Variants in KIAA0040 observed in about 807,000 individuals in gnomAD.
The protein encoded by KIAA0040 is uncharacterized protein KIAA0040.
In KIAA0040, 10 loss-of-function variants were observed where a neutral mutation model predicts 7.2. That is an observed-to-expected ratio of 1.38 (90% CI 0.85 to 2.34). The LOEUF (loss-of-function observed/expected upper bound fraction) is 2.34, where lower values mean the gene tolerates loss of function less well. KIAA0040 is among the 30% of genes most tolerant of loss of function. KIAA0040 has a pLI of 0.00. For synonymous variants in KIAA0040, 49 were observed against 40.1 expected (o/e 1.22, Z -0.84); for missense variants, 89 against 108.2 (o/e 0.82, Z 0.79).
At chr1:175,190,005 T>C (rs1677808876) in intron 1 of KIAA0040, among the ~76,000 whole-genome samples, 1 of 152,074 alleles carries the variant, frequency 6.6e-6, no homozygotes, top group Admixed American at 6.5e-5. Context: ...TCTGTAGGGG[T>C]CTGAAATTAG....
chr1:175,170,519 C>T (rs1170037206), intron 2 of KIAA0040, among the ~76,000 whole-genome samples: 1 of 152,140 alleles, frequency 6.6e-6, no homozygotes, highest in Non-Finnish European at 1.5e-5. Context: ...CCTCACCTTC[C>T]TCCACCACCC....
intron 2 of KIAA0040, among the ~76,000 whole-genome samples, chr1:175,176,154 G>C (rs1360863980): frequency 6.6e-6 from 1 of 152,186 alleles, no homozygotes; most frequent in Non-Finnish European, 1.5e-5. Context: ...GTGGTGGTGG[G>C]GGAGACATTT....
At chr1:175,192,817 G>GCCCCCCCCCC (rs1558405268), upstream of KIAA0040, 39 of 123,502 alleles carry the variant, frequency 3.2e-4, no homozygotes, top group South Asian at 1.4e-3. Context: ...CGTGGGAGCC[G>GCCCCCCCCCC]CCCGCCCCGC....
chr1:175,167,095 A>G (rs1159884970), intron 2 of KIAA0040, among the ~76,000 whole-genome samples: 1 of 152,134 alleles, frequency 6.6e-6, no homozygotes, highest in East Asian at 1.9e-4. Flanking sequence ...ACAAGACCCC[A>G]CGATGCTATG....
chr1:175,166,086 T>C (rs995687475), intron 3 of KIAA0040, among the ~76,000 whole-genome samples: 3 of 151,750 alleles, frequency 2.0e-5, no homozygotes, highest in African/African-American at 7.3e-5. Context: ...AGGTGGGAGG[T>C]TCAGTTCTCT....
chr1:175,168,401 G>A (rs1676856519), intron 2 of KIAA0040, among the ~76,000 whole-genome samples: 1 of 151,980 alleles, frequency 6.6e-6, no homozygotes, highest in South Asian at 2.1e-4. Context: ...TCCCCCCAGA[G>A]TATATATGAT....
At chr1:175,188,825 A>G (rs1256223123) in intron 1 of KIAA0040, among the ~76,000 whole-genome samples, 1 of 152,200 alleles carries the variant, frequency 6.6e-6, no homozygotes, top group Non-Finnish European at 1.5e-5. Context: ...TTTGTCCTGG[A>G]GGCCACTTGG....
chr1:175,185,834 A>G (rs1309147927), intron 1 of KIAA0040, among the ~76,000 whole-genome samples: 3 of 152,264 alleles, frequency 2.0e-5, no homozygotes, highest in Admixed American at 6.5e-5. Flanking sequence ...GTATATGCAC[A>G]CAATGGAATA....
At chr1:175,172,197 G>A (rs1351484513) in intron 2 of KIAA0040, among the ~76,000 whole-genome samples, 1 of 152,036 alleles carries the variant, frequency 6.6e-6, no homozygotes, top group East Asian at 1.9e-4. Flanking sequence ...TTACCCTCAG[G>A]ATTAATCATG....
intron 2 of KIAA0040, among the ~76,000 whole-genome samples, chr1:175,170,371 T>A (rs1441701081): frequency 6.6e-6 from 1 of 152,130 alleles, no homozygotes; most frequent in Non-Finnish European, 1.5e-5. Flanking sequence ...AGTTTTTCCT[T>A]CTTTCAATTC....
intron 1 of KIAA0040, among the ~76,000 whole-genome samples, chr1:175,191,634 G>C (rs1314656475): frequency 2.0e-5 from 3 of 152,226 alleles, no homozygotes; most frequent in African/African-American, 7.2e-5. Context: ...TTAGGAACAG[G>C]TTGCATCAAT....
At chr1:175,191,658 C>G (rs1303672560) in intron 1 of KIAA0040, among the ~76,000 whole-genome samples, 1 of 152,230 alleles carries the variant, frequency 6.6e-6, no homozygotes, top group Non-Finnish European at 1.5e-5. Flanking sequence ...ATGTTTAAGT[C>G]CTGCTCTTTG....
At chr1:175,163,728 A>C (rs1386547846) in intron 3 of KIAA0040, among the ~76,000 whole-genome samples, 3 of 152,078 alleles carry the variant, frequency 2.0e-5, no homozygotes, top group Non-Finnish European at 4.4e-5. Flanking sequence ...CTTTAATTTG[A>C]TTCTACTCAC....
intron 2 of KIAA0040, among the ~76,000 whole-genome samples, chr1:175,171,664 G>C (rs956269062): frequency 2.0e-5 from 3 of 152,206 alleles, no homozygotes; most frequent in Non-Finnish European, 4.4e-5. Flanking sequence ...CTATCACTGA[G>C]AGCAATAGAA....
intron 1 of KIAA0040, among the ~76,000 whole-genome samples, chr1:175,189,028 C>T (rs1677771698): frequency 6.6e-6 from 1 of 152,188 alleles, no homozygotes; most frequent in African/African-American, 2.4e-5. Flanking sequence ...GCCCACACTT[C>T]CCCTCCCTGA....
chr1:175,160,887 G>A lies in KIAA0040; in HGVS notation c.127C>T (p.Leu43Phe), dbSNP rs1385384111. Reference sequence around the variant, plus strand: ...CAGCAATGGCAACAGATGAAGAGGAGTGTGATGATCACCAAGAGTGGCAGG... The same window carrying A: ...CAGCAATGGCAACAGATGAAGAGGAATGTGATGATCACCAAGAGTGGCAGG... ...LGLPLLVIIT[L>F]LFICCHCCWS... is the part of the protein sequence containing the mutation. Residue 43 changes from leucine to phenylalanine, a missense_variant, in exon 4 of 4, where the codon CTC (leucine) becomes TTC (phenylalanine). Leu to Phe is a conservative substitution (Grantham distance 22, BLOSUM62 0). Transcript: ENST00000423313. 5 of 1,551,622 alleles carry A rather than the reference G, an allele frequency of 3.2e-6. No individual in the cohort carries two copies. The East Asian group carries it at 9.8e-5, about 30-fold the overall frequency.
chr1:175,171,956 C>T (rs1677009884), intron 2 of KIAA0040, among the ~76,000 whole-genome samples: 1 of 151,974 alleles, frequency 6.6e-6, no homozygotes, highest in Non-Finnish European at 1.5e-5. Flanking sequence ...AAGGATGATA[C>T]CAGGGAAATA....
At chr1:175,169,388 T>C (rs944293718) in intron 2 of KIAA0040, among the ~76,000 whole-genome samples, 2 of 152,192 alleles carry the variant, frequency 1.3e-5, no homozygotes, top group African/African-American at 4.8e-5. Context: ...CCTCTCTCTC[T>C]GGCGCTCTGT....
intron 1 of KIAA0040, among the ~76,000 whole-genome samples, chr1:175,187,762 C>T (rs1341121460): frequency 6.6e-6 from 1 of 152,174 alleles, no homozygotes; most frequent in Non-Finnish European, 1.5e-5. Context: ...CACCTCTGAA[C>T]CTGTGGCCCA....
Sources: gnomAD v4.1 joint callset for allele counts (sites outside exome capture counted in the v4.1 genomes callset) on GRCh38, gnomAD v4.1.1 for gene constraint, MANE v1.5 for transcripts, NCBI Gene and HGNC (gene_info 2026-07-23, HGNC 2026-07-21) for gene names.